AGMO: variants seen among roughly 807,000 people sequenced by gnomAD.
The protein encoded by AGMO is glyceryl-ether monooxygenase.
In AGMO, 75 loss-of-function variants were observed where a neutral mutation model predicts 60.2. The observed-to-expected ratio is 1.25, with a 90% CI of 1.03 to 1.51. The LOEUF is 1.51. AGMO is among the 40% of genes most tolerant of loss of function. AGMO has a pLI of 0.00. For synonymous variants in AGMO, 261 were observed against 177.1 expected (o/e 1.47, Z -3.76); for missense variants, 763 against 525.5 (o/e 1.45, Z -4.42).
intron 3 of AGMO, among the ~76,000 whole-genome samples, chr7:15,439,458 T>C (rs1045700655): frequency 2.6e-5 from 4 of 152,154 alleles, no homozygotes; most frequent in African/African-American, 9.7e-5. Flanking sequence ...CTCCCTTCTT[T>C]CTGCTACCTT....
rs140869702 is a variant in AGMO at position 15,476,619 on chromosome 7, C to A, written c.410-45511G>T. 4.7e-3 allele frequency among the ~76,000 whole-genome samples: 714 copies of A among 152,040 alleles called. 2 individuals carry two copies. Among genetic ancestry groups the A allele is most frequent in the African/African-American group, 0.017 (690 of 41,488 alleles). On this transcript the variant is annotated intron_variant, in intron 3 of 12. Transcript: ENST00000342526. ...CTTTTTCTTTAGTGAATAAGTCTTT[C>A]TGTTTAATTTGCAGTCTCTAAGAGG...
At chr7:15,556,842 A>C (rs559585677) in intron 2 of AGMO, among the ~76,000 whole-genome samples, 67 of 152,172 alleles carry the variant, frequency 4.4e-4, no homozygotes, top group African/African-American at 1.6e-3. Flanking sequence ...GAATACATAG[A>C]CATATATTTT....
downstream of AGMO, among the ~76,000 whole-genome samples, chr7:15,196,176 G>T (rs959167528): frequency 5.9e-5 from 9 of 151,638 alleles, no homozygotes; most frequent in African/African-American, 2.4e-5. Flanking sequence ...CAGAGTAGCT[G>T]GTATTACAGG....
chr7:15,333,024 G>A (rs1357841756), intron 12 of AGMO, among the ~76,000 whole-genome samples: 2 of 152,034 alleles, frequency 1.3e-5, no homozygotes, highest in Non-Finnish European at 2.9e-5. Flanking sequence ...ATAAACTCTA[G>A]AAGGAAAAGC....
At chr7:15,421,277 A>T (rs74529446) in intron 4 of AGMO, among the ~76,000 whole-genome samples, 6 of 152,026 alleles carry the variant, frequency 3.9e-5, no homozygotes, top group African/African-American at 1.4e-4. Context: ...TTTTCTCAAG[A>T]AACAATTGAT....
intron 12 of AGMO, among the ~76,000 whole-genome samples, chr7:15,267,581 C>T (rs1466566600): frequency 1.3e-5 from 2 of 151,998 alleles, no homozygotes; most frequent in African/African-American, 2.4e-5. Context: ...ACAGTTCACA[C>T]TTTTTCTGTT....
At chr7:15,377,027 G>A (rs938790622) in intron 10 of AGMO, among the ~76,000 whole-genome samples, 3 of 152,120 alleles carry the variant, frequency 2.0e-5, no homozygotes, top group East Asian at 1.9e-4. Flanking sequence ...AAACAGAAAA[G>A]ACTGTGGGAC....
chr7:15,245,530 C>A (rs924547910), intron 12 of AGMO, among the ~76,000 whole-genome samples: 1 of 152,092 alleles, frequency 6.6e-6, no homozygotes, highest in African/African-American at 2.4e-5. Context: ...CAATCTGCAA[C>A]CCAAGAGGTT....
At chr7:15,523,050 C>T (rs1007941888) in intron 3 of AGMO, among the ~76,000 whole-genome samples, 16 of 152,148 alleles carry the variant, frequency 1.1e-4, no homozygotes, top group Non-Finnish European at 1.5e-4. Flanking sequence ...ACAGACACAT[C>T]GCTAAAGAAG....
chr7:15,254,814 C>G (rs1018592628), intron 12 of AGMO, among the ~76,000 whole-genome samples: 4 of 150,952 alleles, frequency 2.6e-5, no homozygotes, highest in African/African-American at 9.7e-5. Context: ...CACAAAAATA[C>G]AAAGAATCAT....
chr7:15,544,666 T>A (rs1784724691), intron 3 of AGMO, 106 bp downstream of exon 3: 1 of 976,674 alleles, frequency 1.0e-6, no homozygotes, highest in Non-Finnish European at 1.4e-6. Context: ...TAAAATATAC[T>A]ATTTTATTCC....
At chr7:15,357,902 A>G (rs1388510107) in intron 12 of AGMO, among the ~76,000 whole-genome samples, 2 of 152,228 alleles carry the variant, frequency 1.3e-5, no homozygotes, top group South Asian at 2.1e-4. Context: ...GCAAAAACAG[A>G]TAAATGCCAA....
At chr7:15,267,632 T>C (rs1457018950) in intron 12 of AGMO, among the ~76,000 whole-genome samples, 1 of 151,942 alleles carries the variant, frequency 6.6e-6, no homozygotes, top group Non-Finnish European at 1.5e-5. Context: ...TGGTACTATA[T>C]TCTCAATTAG....
At chr7:15,316,252 A>G (rs1780920984) in intron 12 of AGMO, among the ~76,000 whole-genome samples, 2 of 152,214 alleles carry the variant, frequency 1.3e-5, no homozygotes, top group African/African-American at 4.8e-5. Context: ...CTCCAAGAGT[A>G]TGCATCAGTC....
intron 12 of AGMO, among the ~76,000 whole-genome samples, chr7:15,303,801 T>C (rs565677895): frequency 5.3e-5 from 8 of 152,188 alleles, no homozygotes; most frequent in Admixed American, 1.3e-4. Context: ...AGGAAATACA[T>C]GTATGTATAC....
chr7:15,464,321 G>A lies in AGMO; in HGVS notation c.410-33213C>T, dbSNP rs1029770097. 2.0e-5 allele frequency among the ~76,000 whole-genome samples: 3 copies of A among 152,150 alleles called. No individual in the cohort carries two copies. In the East Asian group the frequency reaches 5.8e-4, roughly 29 times the overall value. ...CCATAAATAAACTAGATGCTTGGCT[G>A]CTGACACTCTTTTAAATATTAAAAA... On this transcript the variant is annotated intron_variant, in intron 3 of 12. Transcript: ENST00000342526.
At chr7:15,327,023 A>C (rs1781357962) in intron 12 of AGMO, among the ~76,000 whole-genome samples, 1 of 152,154 alleles carries the variant, frequency 6.6e-6, no homozygotes, top group South Asian at 2.1e-4. Flanking sequence ...TCAATGCTGA[A>C]AGTTCATAAC....
In AGMO at chr7:15,326,841, G is replaced by C. The variant is rs115328445; in HGVS notation, c.1263+38673C>G. 5.1e-3 allele frequency among the ~76,000 whole-genome samples: 769 copies of C among 152,174 alleles called. 5 individuals carry two copies. The highest frequency in any genetic ancestry group is 0.018 in the African/African-American group (741 of 41,508). On this transcript the variant is annotated intron_variant, in intron 12 of 12. Transcript: ENST00000342526. ...AAGAAAAAAACAAAAACAGAGATTT[G>C]GTGCCCTCTGCCATTAATAATTAAA... is the stretch of plus-strand genomic sequence containing the variant.
intron 12 of AGMO, among the ~76,000 whole-genome samples, chr7:15,261,777 A>G (rs1303521302): frequency 3.3e-5 from 5 of 152,012 alleles, no homozygotes; most frequent in Admixed American, 6.6e-5. Context: ...ATGGAATCCA[A>G]TGACATTCCA....
Sources: allele counts gnomAD v4.1 joint callset (sites outside exome capture counted in the v4.1 genomes callset), GRCh38; gene constraint gnomAD v4.1.1; transcripts MANE v1.5; gene names NCBI Gene and HGNC (gene_info 2026-07-23, HGNC 2026-07-21).